Variants in PUS10 observed in about 807,000 individuals in gnomAD.
The protein encoded by PUS10 is pseudouridine synthase 10.
PUS10 carries 59 observed loss-of-function variants against 75.0 expected under a neutral mutation model. The ratio of observed to expected loss-of-function variants is 0.79; its 90% CI spans 0.64 to 0.98. The LOEUF (loss-of-function observed/expected upper bound fraction) is 0.98, where lower values mean the gene tolerates loss of function less well. PUS10 is among the 50% of genes least tolerant of loss of function. PUS10 has a pLI of 0.00. For synonymous variants in PUS10, 219 were observed against 211.6 expected (o/e 1.03, Z -0.30); for missense variants, 650 against 614.4 (o/e 1.06, Z -0.61).
At chr2:61,017,904 G>A (rs552958199) in intron 1 of PUS10, 104 bp downstream of exon 1, 10 of 1,510,742 alleles carry the variant, frequency 6.6e-6, no homozygotes, top group Non-Finnish European at 8.1e-6. Flanking sequence ...GCGGGGACTT[G>A]GCAGGAGGCG....
chr2:60,971,685 T>C, intron 4 of PUS10, 128 bp from the exon 5 acceptor site: 3 of 829,100 alleles, frequency 3.6e-6, no homozygotes, highest in Non-Finnish European at 6.0e-6. Flanking sequence ...GGTGACGAGT[T>C]AGTATTCAAA....
Position 60,954,072 on chromosome 2 carries a change from A to C in PUS10, c.1134+10T>G. 3 of 1,613,614 alleles carry C rather than the reference A, an allele frequency of 1.9e-6. No individual in the cohort carries two copies. Among genetic ancestry groups the C allele is most frequent in the Non-Finnish European group, 2.5e-6 (3 of 1,179,482 alleles). On this transcript the variant is annotated intron_variant, in intron 13 of 17. Coordinates refer to ENST00000316752, the MANE Select transcript of PUS10 (RefSeq NM_144709.4). Reference sequence around the variant, plus strand: ...AAACATGACGATTTCCATGGCATGAAGTGGTTTACCTGCTGAAGTTCCTTA... The same window carrying C: ...AAACATGACGATTTCCATGGCATGACGTGGTTTACCTGCTGAAGTTCCTTA...
intron 5 of PUS10, among the ~76,000 whole-genome samples, chr2:60,969,431 A>G (rs1676528949): frequency 1.3e-5 from 2 of 152,216 alleles, no homozygotes; most frequent in South Asian, 4.1e-4. Context: ...ATTGTCCTTT[A>G]GAGGGACTAG....
At chr2:60,996,627 G>A (rs1678478822) in intron 4 of PUS10, among the ~76,000 whole-genome samples, 1 of 151,864 alleles carries the variant, frequency 6.6e-6, no homozygotes, top group East Asian at 1.9e-4. Context: ...AGCAACAGCA[G>A]CATGAAGCAG....
rs1369710292 is a variant in PUS10, at chr2:60,960,450, C to T, written c.942G>A (p.Leu314=). The part of the protein sequence containing the change: ...TPWIIDGERK[L]ESSVEELISD... ...AAATTAATTCTTCCACTGAAGATTC[C>T]AGCTTCCTTTCTCCATCAATTATCC... The change falls in exon 11 of 18, where the codon CTG becomes CTA. Residue 314 remains leucine, a synonymous_variant. Coordinates refer to ENST00000316752, the MANE Select transcript of PUS10 (RefSeq NM_144709.4). 6.3e-7 allele frequency: 1 copy of T among 1,577,366 alleles called. No individual in the cohort carries two copies. The highest frequency in any genetic ancestry group is 2.4e-5 in the East Asian group (1 of 42,140).
chr2:61,008,350 CCT>C (rs1483960800), intron 3 of PUS10, among the ~76,000 whole-genome samples: 7 of 151,866 alleles, frequency 4.6e-5, no homozygotes. Context: ...ATGGAGAAAC[CCT>C]GTCTCTACTA....
intron 12 of PUS10, 36 bp downstream of exon 12, chr2:60,954,982 G>C (rs757193520): frequency 7.2e-7 from 1 of 1,389,810 alleles, no homozygotes; most frequent in Non-Finnish European, 1.0e-6. Flanking sequence ...TAATCAGAAA[G>C]TTAGTTCTAA....
intron 4 of PUS10, among the ~76,000 whole-genome samples, chr2:60,999,317 G>T (rs1428580261): frequency 6.6e-6 from 1 of 152,066 alleles, no homozygotes; most frequent in Non-Finnish European, 1.5e-5. Context: ...AATCAATCAT[G>T]AATATAAAAT....
chr2:61,017,390 CA>C, intron 1 of PUS10: 1 of 185,324 alleles, frequency 5.4e-6, no homozygotes, highest in Non-Finnish European at 1.1e-5. Flanking sequence ...CTACCTCCCC[CA>C]CGAGCGAAGG....
chr2:60,952,625 T>C (rs918720754), intron 15 of PUS10, among the ~76,000 whole-genome samples: 6 of 152,246 alleles, frequency 3.9e-5, no homozygotes, highest in Admixed American at 3.9e-4. Flanking sequence ...TGCCAGGTAC[T>C]GTTCTAAGTG....
Position 60,941,340 on chromosome 2 carries a change from A to G in PUS10, c.*1055T>C, listed in dbSNP as rs1216525724. 1 of 152,274 alleles carries G rather than the reference A, an allele frequency of 6.6e-6. No individual in the cohort carries two copies. The highest frequency in any genetic ancestry group is 1.5e-5 in the Non-Finnish European group (1 of 67,996). The allele number at this position is 152,274 out of a possible 1,614,324, so 9.4% of individuals were successfully genotyped here. A position where few individuals can be genotyped will look rare whatever the true frequency, so the allele number is the denominator to read the frequency against. On this transcript the variant is annotated 3_prime_UTR_variant, in exon 18 of 18. Coordinates refer to ENST00000316752, the MANE Select transcript of PUS10 (RefSeq NM_144709.4). ...CCAAAAGTTAATTATCAGTTACATGAGTTTAAATGGCATCCATAGCTGCCC... is the reference window on the plus strand; with the variant it reads ...CCAAAAGTTAATTATCAGTTACATGGGTTTAAATGGCATCCATAGCTGCCC...
chr2:60,969,564 C>T (rs918634788), intron 5 of PUS10, among the ~76,000 whole-genome samples: 1 of 152,178 alleles, frequency 6.6e-6, no homozygotes, highest in Non-Finnish European at 1.5e-5. Flanking sequence ...AGATACAACA[C>T]AACAACCATT....
Position 61,017,952 on chromosome 2 carries a change from C to A in PUS10, c.-16+56G>T. 8 of 1,379,348 alleles carry A rather than the reference C, an allele frequency of 5.8e-6. No homozygotes were observed. In the South Asian group the frequency reaches 7.8e-5, roughly 13 times the overall value. 85.4% of individuals were successfully genotyped at this position (1,379,348 alleles called of 1,614,324 possible). A position where few individuals can be genotyped will look rare whatever the true frequency, so the allele number is the denominator to read the frequency against. ...GTTAGTGGAGGTATTCCCTTCCCCCCTTTAACCAATACCCAACCTTGGGGA... is the reference window on the plus strand; with the variant it reads ...GTTAGTGGAGGTATTCCCTTCCCCCATTTAACCAATACCCAACCTTGGGGA... On this transcript the variant is annotated intron_variant, in intron 1 of 17. Coordinates refer to ENST00000316752, the MANE Select transcript of PUS10 (RefSeq NM_144709.4).
At chr2:60,989,563 T>C (rs1357421816) in intron 4 of PUS10, among the ~76,000 whole-genome samples, 1 of 152,134 alleles carries the variant, frequency 6.6e-6, no homozygotes, top group Non-Finnish European at 1.5e-5. Context: ...TGAAGACAGA[T>C]AGCTCAGTAT....
intron 4 of PUS10, among the ~76,000 whole-genome samples, chr2:61,004,680 C>T (rs1679091160): frequency 6.8e-6 from 1 of 146,566 alleles, no homozygotes; most frequent in African/African-American, 2.5e-5. Context: ...CAGCAAATCA[C>T]GAAGTGAACC....
Position 61,017,763 on chromosome 2 carries a change from G to C in PUS10, c.-16+245C>G, listed in dbSNP as rs1258736139. 2 of 1,549,440 alleles carry C rather than the reference G, an allele frequency of 1.3e-6. No homozygotes were observed. Among genetic ancestry groups the C allele is most frequent in the Middle Eastern group, 1.8e-4 (1 of 5,538 alleles). ...GAGCCGAGAGGAGGCGGAGGAGATG[G>C]CGTCCCAGCCGCCACCTCCCCCCAA... is the stretch of plus-strand genomic sequence containing the variant. On this transcript the variant is annotated intron_variant, in intron 1 of 17. Transcript: ENST00000316752.
In PUS10 at chr2:60,992,207, G is replaced by C. The variant is rs545163419; in HGVS notation, c.468+14350C>G. ...TACATTACATTTTTAGTAGAGACGG[G>C]TTTTCGCCATGTTGACCAAGCTGGT... On this transcript the variant is annotated intron_variant, in intron 4 of 17. Transcript: ENST00000316752. 1.1e-3 allele frequency among the ~76,000 whole-genome samples: 161 copies of C among 152,124 alleles called. 1 individual carries two copies. The highest frequency in any genetic ancestry group is 3.6e-3 in the African/African-American group (149 of 41,482).
chr2:61,016,717 C>T (rs1457078599), intron 1 of PUS10, among the ~76,000 whole-genome samples: 1 of 152,152 alleles, frequency 6.6e-6, no homozygotes, highest in Non-Finnish European at 1.5e-5. Context: ...TTATTTTCAC[C>T]TCTTGGACGA....
chr2:60,965,159 A>G, intron 7 of PUS10, 56 bp from the exon 8 acceptor site: 1 of 1,503,922 alleles, frequency 6.6e-7, no homozygotes, highest in Non-Finnish European at 9.2e-7. Context: ...TGGGGTAGAT[A>G]TAATTCAAAT....
Sources: allele counts gnomAD v4.1 joint callset (sites outside exome capture counted in the v4.1 genomes callset), GRCh38; gene constraint gnomAD v4.1.1; transcripts MANE v1.5; gene names NCBI Gene and HGNC (gene_info 2026-07-23, HGNC 2026-07-21).